Variants in MGAT4C observed in about 807,000 individuals in gnomAD.
MGAT4C encodes the protein alpha-1,3-mannosyl-glycoprotein 4-beta-N-acetylglucosaminyltransferase C.
Under a neutral mutation model 40.1 loss-of-function variants are expected in MGAT4C, and 19 were observed. The observed-to-expected ratio is 0.47, with a 90% CI of 0.33 to 0.70. The LOEUF is 0.70. Ranked by LOEUF, MGAT4C falls within the 30% of genes least tolerant of loss-of-function variation. MGAT4C has a pLI of 0.02. For missense variants in MGAT4C, 491 were observed against 563.2 expected, an observed-to-expected ratio of 0.87 and a Z score of 1.30; for synonymous variants, 181 against 187.1, an observed-to-expected ratio of 0.97 and a Z score of 0.27.
intron 4 of MGAT4C, among the ~76,000 whole-genome samples, chr12:86,317,712 A>C (rs1954277797): frequency 6.6e-6 from 1 of 151,990 alleles, no homozygotes; most frequent in African/African-American, 2.4e-5. Flanking sequence ...CTAAAAATAT[A>C]GAAGGTTTTC....
chr12:86,629,271 C>A (rs1317173028), intron 2 of MGAT4C, among the ~76,000 whole-genome samples: 3 of 152,074 alleles, frequency 2.0e-5, no homozygotes, highest in African/African-American at 4.8e-5. Context: ...TAGAGACCTG[C>A]AAAGAGACTT....
intron 2 of MGAT4C, among the ~76,000 whole-genome samples, chr12:86,012,197 G>A (rs536127242): frequency 1.3e-5 from 2 of 151,974 alleles, no homozygotes; most frequent in African/African-American, 2.4e-5. Flanking sequence ...CATATCCCAC[G>A]ATACTTTTTA....
chr12:86,712,819 G>C (rs1350485036), intron 2 of MGAT4C, among the ~76,000 whole-genome samples: 1 of 151,864 alleles, frequency 6.6e-6, no homozygotes, highest in Non-Finnish European at 1.5e-5. Flanking sequence ...GCCTCCTCTG[G>C]CTCCATTCTC....
At chr12:86,700,629 C>T (rs1950345359) in intron 2 of MGAT4C, among the ~76,000 whole-genome samples, 1 of 151,996 alleles carries the variant, frequency 6.6e-6, no homozygotes. Context: ...ACATCTATAT[C>T]TACTGAAACA....
intron 2 of MGAT4C, among the ~76,000 whole-genome samples, chr12:86,703,306 A>G (rs1018611790): frequency 2.6e-5 from 4 of 152,230 alleles, no homozygotes; most frequent in Non-Finnish European, 4.4e-5. Context: ...ATTGGTTCCA[A>G]TTTTGAAAGT....
intron 2 of MGAT4C, among the ~76,000 whole-genome samples, chr12:86,526,305 G>A (rs1958881861): frequency 6.6e-6 from 1 of 152,024 alleles, no homozygotes; most frequent in Non-Finnish European, 1.5e-5. Context: ...GGGTTGGCGG[G>A]GAGTAAACTG....
At chr12:86,091,764 G>A (rs1045967631) in intron 1 of MGAT4C, among the ~76,000 whole-genome samples, 5 of 152,000 alleles carry the variant, frequency 3.3e-5, no homozygotes, top group South Asian at 2.1e-4. Context: ...CTCTTAACTC[G>A]ATGGAGAGCC....
intron 2 of MGAT4C, among the ~76,000 whole-genome samples, chr12:86,605,372 C>G (rs1962007807): frequency 6.6e-6 from 1 of 151,936 alleles, no homozygotes; most frequent in African/African-American, 2.4e-5. Flanking sequence ...CACCCGTTTA[C>G]TGAGTAGATT....
chr12:86,058,821 G>A (rs1421736765), intron 1 of MGAT4C, among the ~76,000 whole-genome samples: 1 of 152,030 alleles, frequency 6.6e-6, no homozygotes, highest in Non-Finnish European at 1.5e-5. Flanking sequence ...TCTTTTAGAT[G>A]TAAAAATGTC....
chr12:86,757,816 A>G (rs1951332326), intron 1 of MGAT4C, among the ~76,000 whole-genome samples: 2 of 152,272 alleles, frequency 1.3e-5, no homozygotes, highest in South Asian at 4.1e-4. Context: ...CATTTTGTCT[A>G]ACAGTAAGTA....
intron 3 of MGAT4C, among the ~76,000 whole-genome samples, chr12:86,410,054 A>C (rs1289514104): frequency 6.6e-6 from 1 of 152,172 alleles, no homozygotes; most frequent in Non-Finnish European, 1.5e-5. Context: ...ACATGCTTTA[A>C]AGGGCAATAA....
intron 4 of MGAT4C, among the ~76,000 whole-genome samples, chr12:86,300,476 G>C (rs562351714): frequency 6.6e-6 from 1 of 152,074 alleles, no homozygotes; most frequent in East Asian, 1.9e-4. Context: ...GGTATATATA[G>C]AGTACATATT....
Position 86,466,081 on chromosome 12 carries a change from C to T in MGAT4C, c.-228-30816G>A, listed in dbSNP as rs59225260. Among the ~76,000 whole-genome samples, 505 of 151,978 alleles carry T rather than the reference C, an allele frequency of 3.3e-3. 3 individuals carry two copies. The highest frequency in any genetic ancestry group is 0.012 in the African/African-American group (478 of 41,470). The stretch of plus-strand genomic sequence containing the variant: ...AAAATCAGCCAGGCGTGGTGGCAGG[C>T]GTCTGTAACCCCAGCTACTCGGGAA... On this transcript the variant is annotated intron_variant, in intron 2 of 7. Coordinates refer to the MGAT4C transcript ENST00000548651.
At chr12:86,140,665 A>G (rs1882705915) in intron 1 of MGAT4C, among the ~76,000 whole-genome samples, 1 of 152,108 alleles carries the variant, frequency 6.6e-6, no homozygotes, top group Admixed American at 6.6e-5. Context: ...AAAATAAAAT[A>G]AAATAAAATA....
chr12:86,795,420 TA>T (rs1454245725), intron 1 of MGAT4C, among the ~76,000 whole-genome samples: 2 of 152,010 alleles, frequency 1.3e-5, no homozygotes, highest in African/African-American at 2.4e-5. Flanking sequence ...GAGTGATATC[TA>T]CAATATTAGG....
intron 4 of MGAT4C, among the ~76,000 whole-genome samples, chr12:86,276,431 T>C (rs746029513): frequency 1.3e-5 from 2 of 152,224 alleles, no homozygotes; most frequent in Non-Finnish European, 2.9e-5. Context: ...AATCCAATTA[T>C]ACTCTTTCAT....
intron 1 of MGAT4C, among the ~76,000 whole-genome samples, chr12:86,754,661 T>A (rs1206478442): frequency 2.0e-5 from 3 of 152,104 alleles, no homozygotes; most frequent in Non-Finnish European, 2.9e-5. Context: ...GAGTAAGAAG[T>A]TAGAACAAGA....
chr12:86,520,306 G>A (rs746605967), intron 2 of MGAT4C, among the ~76,000 whole-genome samples: 1 of 152,116 alleles, frequency 6.6e-6, no homozygotes, highest in Non-Finnish European at 1.5e-5. Context: ...CCACTTATAA[G>A]TGAGAATATG....
chr12:86,772,227 T>C (rs911161202), intron 1 of MGAT4C, among the ~76,000 whole-genome samples: 1 of 152,210 alleles, frequency 6.6e-6, no homozygotes, highest in Non-Finnish European at 1.5e-5. Context: ...TGAAGGATCC[T>C]CCTGGACTGT....
Sources: allele counts gnomAD v4.1 joint callset (sites outside exome capture counted in the v4.1 genomes callset), GRCh38; gene constraint gnomAD v4.1.1; transcripts MANE v1.5; gene names NCBI Gene and HGNC (gene_info 2026-07-23, HGNC 2026-07-21).